Variants in RPH3A observed in about 807,000 individuals in gnomAD.
The protein encoded by RPH3A is rabphilin 3A.
RPH3A carries 48 observed loss-of-function variants against 102.2 expected under a neutral mutation model. That is an observed-to-expected ratio of 0.47 (90% CI 0.37 to 0.60). RPH3A has a LOEUF of 0.60. RPH3A is among the 20% of genes least tolerant of loss of function. RPH3A has a pLI of 0.00. For synonymous variants in RPH3A, 310 were observed against 324.3 expected (o/e 0.96, Z 0.47); for missense variants, 781 against 910.1 (o/e 0.86, Z 1.83).
At chr12:112,732,561 T>C (rs2040642255) in intron 1 of RPH3A, among the ~76,000 whole-genome samples, 3 of 152,108 alleles carry the variant, frequency 2.0e-5, no homozygotes, top group Admixed American at 1.3e-4. Context: ...GGATGTTTAA[T>C]AAAGAGAGCT....
At chr12:112,850,767 A>T (rs1166675090) in intron 5 of RPH3A, 3 of 152,230 alleles carry the variant, frequency 2.0e-5, no homozygotes, top group African/African-American at 7.2e-5. Context: ...CAAACTGAAA[A>T]TGGGGGTGCT....
intron 1 of RPH3A, among the ~76,000 whole-genome samples, chr12:112,665,528 T>C (rs2040078337): frequency 6.6e-6 from 1 of 152,210 alleles, no homozygotes; most frequent in Non-Finnish European, 1.5e-5. Context: ...ATTGTCCTTA[T>C]CTTAGAGGTT....
intron 1 of RPH3A, among the ~76,000 whole-genome samples, chr12:112,658,880 T>C (rs1211039929): frequency 1.3e-5 from 2 of 152,314 alleles, no homozygotes; most frequent in Non-Finnish European, 2.9e-5. Context: ...CGCCTCATGG[T>C]CCATCTACTT....
At chr12:112,801,673 TG>T (rs2041356688) in intron 2 of RPH3A, among the ~76,000 whole-genome samples, 1 of 152,218 alleles carries the variant, frequency 6.6e-6, no homozygotes, top group Admixed American at 6.5e-5. Flanking sequence ...GAAGAATCTT[TG>T]TTAGGGTGCG....
At chr12:112,831,093 T>C (rs1305712030) in intron 3 of RPH3A, among the ~76,000 whole-genome samples, 1 of 147,404 alleles carries the variant, frequency 6.8e-6, no homozygotes. Context: ...TGCACATAAG[T>C]GGGCATGGCA....
intron 1 of RPH3A, among the ~76,000 whole-genome samples, chr12:112,703,275 G>T (rs1294420069): frequency 1.3e-5 from 2 of 152,108 alleles, no homozygotes; most frequent in East Asian, 3.8e-4. Context: ...ATTATTTGTG[G>T]GTTTGTTACA....
chr12:112,847,878 C>T, intron 5 of RPH3A, 36 bp downstream of exon 5: 1 of 1,606,360 alleles, frequency 6.2e-7, no homozygotes, highest in Non-Finnish European at 8.5e-7. Context: ...CCCAGAGCTG[C>T]TGTGGCAGGA....
intron 1 of RPH3A, among the ~76,000 whole-genome samples, chr12:112,783,509 G>A (rs1187111639): frequency 6.6e-6 from 1 of 152,162 alleles, no homozygotes; most frequent in Non-Finnish European, 1.5e-5. Flanking sequence ...GAAGGGTGGA[G>A]TCTTAGTCAT....
chr12:112,860,680 T>A (rs527282343), intron 5 of RPH3A, among the ~76,000 whole-genome samples: 5 of 152,334 alleles, frequency 3.3e-5, no homozygotes, highest in African/African-American at 1.2e-4. Context: ...CTGTGGGGAT[T>A]CGTGGAAAGC....
At chr12:112,589,507 C>G (rs959440450) in intron 1 of RPH3A, among the ~76,000 whole-genome samples, 1 of 152,176 alleles carries the variant, frequency 6.6e-6, no homozygotes, top group East Asian at 1.9e-4. Flanking sequence ...CTGGAATGCT[C>G]TTCCCTGGGA....
In RPH3A at chr12:112,754,487, T is replaced by C. The variant is rs759232129; in HGVS notation, c.-139-37656T>C. ...ATGACAAAATAGAACTGGAGATTTA[T>C]ATTCAATGAAAAAAATAAGTAAGGG... On this transcript the variant is annotated intron_variant, in intron 1 of 21. Coordinates refer to the RPH3A transcript ENST00000543106. Among the ~76,000 whole-genome samples, 4 of 152,174 alleles carry C rather than the reference T, an allele frequency of 2.6e-5. No individual in the cohort carries two copies. The South Asian group carries it at 6.2e-4, about 24-fold the overall frequency.
intron 3 of RPH3A, among the ~76,000 whole-genome samples, chr12:112,831,022 A>G (rs2041961521): frequency 6.6e-6 from 1 of 152,036 alleles, no homozygotes; most frequent in Non-Finnish European, 1.5e-5. Context: ...TCTGGCCATA[A>G]AGTCTCCATT....
chr12:112,711,362 A>C (rs2040460255), intron 1 of RPH3A, among the ~76,000 whole-genome samples: 1 of 152,166 alleles, frequency 6.6e-6, no homozygotes, highest in African/African-American at 2.4e-5. Flanking sequence ...TTTCTGCTAA[A>C]AGTTTATTTG....
intron 1 of RPH3A, among the ~76,000 whole-genome samples, chr12:112,773,098 T>C (rs1401837094): frequency 6.6e-6 from 1 of 151,958 alleles, no homozygotes; most frequent in African/African-American, 2.4e-5. Flanking sequence ...TATTCCATCA[T>C]ATATATATTA....
At chr12:112,668,129 A>G (rs1269294002) in intron 1 of RPH3A, among the ~76,000 whole-genome samples, 2 of 152,126 alleles carry the variant, frequency 1.3e-5, no homozygotes. Context: ...TATTTAATTG[A>G]TCTATCTCTT....
chr12:112,780,402 A>C, intron 1 of RPH3A, among the ~76,000 whole-genome samples: 1 of 120,328 alleles, frequency 8.3e-6, no homozygotes, highest in Non-Finnish European at 1.6e-5. Flanking sequence ...TGGAGGCCTC[A>C]TTTTTGTGAA....
chr12:112,722,949 A>G (rs1421568770), intron 1 of RPH3A, among the ~76,000 whole-genome samples: 1 of 152,174 alleles, frequency 6.6e-6, no homozygotes, highest in African/African-American at 2.4e-5. Context: ...GCTAAATTGA[A>G]CCTTAACTGA....
At chr12:112,647,763 T>C (rs1204514867) in intron 1 of RPH3A, among the ~76,000 whole-genome samples, 1 of 152,106 alleles carries the variant, frequency 6.6e-6, no homozygotes, top group African/African-American at 2.4e-5. Flanking sequence ...GAACTGCAGG[T>C]GCAAAGGCCC....
At chr12:112,592,817 G>A (rs964991871) in intron 1 of RPH3A, among the ~76,000 whole-genome samples, 5 of 152,270 alleles carry the variant, frequency 3.3e-5, no homozygotes, top group Non-Finnish European at 4.4e-5. Context: ...GTAGTTAAGC[G>A]GGGCCACACG....
Sources: gnomAD v4.1 joint callset for allele counts (sites outside exome capture counted in the v4.1 genomes callset) on GRCh38, gnomAD v4.1.1 for gene constraint, MANE v1.5 for transcripts, NCBI Gene and HGNC (gene_info 2026-07-23, HGNC 2026-07-21) for gene names.